B3GNT9: variants seen among roughly 807,000 people sequenced by gnomAD.
B3GNT9 encodes the protein UDP-GlcNAc:betaGal beta-1,3-N-acetylglucosaminyltransferase 9.
For synonymous variants in B3GNT9, 359 were observed against 283.9 expected (o/e 1.26, Z -2.66); for missense variants, 669 against 599.2 (o/e 1.12, Z -1.22).
Position 67,149,535 on chromosome 16 carries a change from G to T in B3GNT9, c.951C>A (p.Val317=). The change falls in exon 2 of 2, where the codon GTC becomes GTA. Residue 317 remains valine (V), a synonymous_variant. Coordinates refer to ENST00000449549, the MANE Select transcript of B3GNT9 (RefSeq NM_033309.3). ...AQVELFPIDD[V]FLGMCLQRLR... ...GGCGCTGCAGACACATGCCCAGAAA[G>T]ACGTCGTCGATGGGGAAGAGCTCGA... 3.1e-6 allele frequency: 5 copies of T among 1,609,236 alleles called. No homozygotes were observed. The highest frequency in any genetic ancestry group is 4.2e-6 in the Non-Finnish European group (5 of 1,178,012).
chr16:67,148,485 A>C lies in B3GNT9; in HGVS notation c.*792T>G, dbSNP rs982788388. ...GCCCACATCCCCTCTCCAATAAAGC[A>C]CCTGTGCCCTCAGCAATGGCCTGCC... is the stretch of plus-strand genomic sequence containing the variant. On this transcript the variant is annotated 3_prime_UTR_variant, in exon 2 of 2. Transcript: ENST00000449549. The C allele has an allele frequency of 2.0e-5, 3 of 152,336 alleles. No homozygotes were observed. The highest frequency in any genetic ancestry group is 7.2e-5 in the African/African-American group (3 of 41,412). 9.4% of individuals were successfully genotyped at this position (152,336 alleles called of 1,614,324 possible).
chr16:67,150,617 G>T lies in B3GNT9; in HGVS notation c.-132C>A, dbSNP rs534741183. 1.1e-3 allele frequency: 804 copies of T among 717,236 alleles called. 6 individuals are homozygous for T. In the African/African-American group the frequency reaches 0.014, roughly 12 times the overall value. The allele number at this position is 717,236 out of a possible 1,614,324, so 44.4% of individuals were successfully genotyped here. On this transcript the variant is annotated 5_prime_UTR_variant, in exon 2 of 2. Transcript: ENST00000449549. ...GGGGGCTCCAGCGACCGACGGTTGA[G>T]CCCCTTGCGTTGTTCTCCTCCTCCC...
Position 67,150,409 on chromosome 16 carries a change from T to G in B3GNT9, c.77A>C (p.Tyr26Ser). 7.3e-7 allele frequency: 1 copy of G among 1,361,988 alleles called. No individual in the cohort carries two copies. The allele number at this position is 1,361,988 out of a possible 1,614,324, so 84.4% of individuals were successfully genotyped here. A position where few individuals can be genotyped will look rare whatever the true frequency, so the allele number is the denominator to read the frequency against. The change falls in exon 2 of 2, where the codon TAT (tyrosine) becomes TCT (serine). Residue 26 changes from tyrosine (Y) to serine (S), a missense_variant. Transcript: ENST00000449549. ...LLGASLGLLL[Y>S]AQRDGAAPTA... ...CGGGGCCGCGCCGTCGCGCTGCGCA[T>G]AGAGTAAGAGGCCCAGGGAGGCGCC... is the stretch of plus-strand genomic sequence containing the variant.
intron 1 of B3GNT9, 73 bp downstream of exon 1, chr16:67,150,792 C>G (rs1036458082): frequency 3.4e-6 from 1 of 294,514 alleles, no homozygotes; most frequent in Admixed American, 5.2e-5. Flanking sequence ...CCGCCCGCCT[C>G]CCTCGCGCTG....
In B3GNT9 at chr16:67,149,364, A is replaced by G; in HGVS notation, c.1122T>C (p.Leu374=). The change falls in exon 2 of 2, where the codon CTT becomes CTC. Residue 374 remains leucine (L), a synonymous_variant. Coordinates refer to ENST00000449549, the MANE Select transcript of B3GNT9 (RefSeq NM_033309.3). The part of the protein sequence containing the change: ...VHGLSAADIW[L]MWRLLHGPHG... ...GCGGCCCGTGCAGCAGGCGCCACAT[A>G]AGCCAGATGTCAGCGGCCGAGAGCC... 1 of 1,603,542 alleles carries G rather than the reference A, an allele frequency of 6.2e-7. No individual in the cohort carries two copies. Among genetic ancestry groups the G allele is most frequent in the East Asian group, 2.3e-5 (1 of 44,356 alleles).
At position 67,150,046 on chromosome 16, in the gene B3GNT9, C is replaced by A; in HGVS notation, c.440G>T (p.Gly147Val). The A allele has an allele frequency of 1.3e-6, 2 of 1,501,416 alleles. No individual in the cohort carries two copies. The highest frequency in any genetic ancestry group is 1.8e-6 in the Non-Finnish European group (2 of 1,127,426). The allele number at this position is 1,501,416 out of a possible 1,614,324, so 93.0% of individuals were successfully genotyped here. Residue 147 changes from glycine (G) to valine (V), a missense_variant, in exon 2 of 2, where the codon GGG becomes GTG. Gly to Val is a moderately radical substitution (Grantham distance 109). Transcript: ENST00000449549. ...QTWGAEGRVQGALVRRVFLLG... is the reference protein window; with the variant it reads ...QTWGAEGRVQVALVRRVFLLG... Reference sequence around the variant, plus strand: ...CAAGAACACGCGGCGCACCAGCGCCCCCTGCACGCGACCCTCCGCGCCCCA... The same window carrying A: ...CAAGAACACGCGGCGCACCAGCGCCACCTGCACGCGACCCTCCGCGCCCCA...
Position 67,150,581 on chromosome 16 carries a change from C to T in B3GNT9, c.-96G>A, listed in dbSNP as rs959972058. The T allele has an allele frequency of 9.1e-7, 1 of 1,094,162 alleles. No homozygotes were observed. Among genetic ancestry groups the T allele is most frequent in the Admixed American group, 4.3e-5 (1 of 23,438 alleles). The allele number at this position is 1,094,162 out of a possible 1,614,324, so 67.8% of individuals were successfully genotyped here. On this transcript the variant is annotated 5_prime_UTR_variant, in exon 2 of 2. Coordinates refer to ENST00000449549, the MANE Select transcript of B3GNT9 (RefSeq NM_033309.3). ...CTCCCCAGCTGAGGGGGCGGGAGGC[C>T]ACGCCCCGGGGGGGGCTCCAGCGAC...
Position 67,149,524 on chromosome 16 carries a change from A to G in B3GNT9, c.962T>C (p.Met321Thr). 4 of 1,609,730 alleles carry G rather than the reference A, an allele frequency of 2.5e-6. No homozygotes were observed. Among genetic ancestry groups the G allele is most frequent in the Non-Finnish European group, 3.4e-6 (4 of 1,178,208 alleles). The change falls in exon 2 of 2, where the codon ATG (methionine) becomes ACG (threonine). Residue 321 changes from methionine to threonine, a missense_variant. By Grantham distance (81) the Met-to-Thr change is moderately conservative. Transcript: ENST00000449549. ...LFPIDDVFLG[M>T]CLQRLRLTPE... ...CGTGAGCCGCAGGCGCTGCAGACAC[A>G]TGCCCAGAAAGACGTCGTCGATGGG...
rs1473258802 is a variant in B3GNT9 at position 67,150,636 on chromosome 16, T to C, written c.-151A>G. The C allele has an allele frequency of 1.1e-5, 6 of 568,248 alleles. No homozygotes were observed. In the Admixed American group the frequency reaches 1.3e-4, roughly 12 times the overall value. 35.2% of individuals were successfully genotyped at this position (568,248 alleles called of 1,614,324 possible). A position where few individuals can be genotyped will look rare whatever the true frequency, so the allele number is the denominator to read the frequency against. The stretch of plus-strand genomic sequence containing the variant: ...GGTTGAGCCCCTTGCGTTGTTCTCC[T>C]CCTCCCGGCCGTGTCGCACCGCCGG... On this transcript the variant is annotated 5_prime_UTR_variant, in exon 2 of 2. Coordinates refer to ENST00000449549, the MANE Select transcript of B3GNT9 (RefSeq NM_033309.3).
Position 67,149,158 on chromosome 16 carries a change from C to T in B3GNT9, c.*119G>A. On this transcript the variant is annotated 3_prime_UTR_variant, in exon 2 of 2. Transcript: ENST00000449549. ...CAGGAGCCAAGCTTAACCCCCATCC[C>T]CTGGGATCCTGTGGAGACAGGCACC... is the stretch of plus-strand genomic sequence containing the variant. 7.0e-7 allele frequency: 1 copy of T among 1,431,710 alleles called. No individual in the cohort carries two copies. The allele number at this position is 1,431,710 out of a possible 1,614,324, so 88.7% of individuals were successfully genotyped here.
rs769419679 is a variant in B3GNT9 at position 67,150,462 on chromosome 16, G to C, written c.24C>G (p.Arg8=). 3 of 1,331,650 alleles carry C rather than the reference G, an allele frequency of 2.3e-6. No individual in the cohort carries two copies. Among genetic ancestry groups the C allele is most frequent in the East Asian group, 6.1e-5 (2 of 32,646 alleles). The allele number at this position is 1,331,650 out of a possible 1,614,324, so 82.5% of individuals were successfully genotyped here. A position where few individuals can be genotyped will look rare whatever the true frequency, so the allele number is the denominator to read the frequency against. MRRRLRL[R]RDALLTLLLG... is the part of the protein sequence containing the mutation. ...GGAGCAGCGTGAGCAATGCGTCCCT[G>C]CGTAGGCGCAGCCTCCTCCTCATCT... is the stretch of plus-strand genomic sequence containing the variant. Residue 8 remains arginine (R), a synonymous_variant, in exon 2 of 2, where the codon CGC becomes CGG. Transcript: ENST00000449549.
At position 67,150,642 on chromosome 16, in the gene B3GNT9, C is replaced by T; in HGVS notation, c.-157G>A. ...GCCCCTTGCGTTGTTCTCCTCCTCC[C>T]GGCCGTGTCGCACCGCCGGGACCGG... On this transcript the variant is annotated 5_prime_UTR_variant, in exon 2 of 2. Transcript: ENST00000449549. 2 of 534,742 alleles carry T rather than the reference C, an allele frequency of 3.7e-6. No homozygotes were observed. The highest frequency in any genetic ancestry group is 5.7e-6 in the Non-Finnish European group (2 of 351,482). 33.1% of individuals were successfully genotyped at this position (534,742 alleles called of 1,614,324 possible).
rs2030406052 is a variant in B3GNT9 at position 67,150,073 on chromosome 16, G to A, written c.413C>T (p.Thr138Met). The A allele has an allele frequency of 2.7e-6, 4 of 1,470,268 alleles. No homozygotes were observed. The highest frequency in any genetic ancestry group is 3.6e-6 in the Non-Finnish European group (4 of 1,113,894). 91.1% of individuals were successfully genotyped at this position (1,470,268 alleles called of 1,614,324 possible). Residue 138 changes from threonine to methionine, a missense_variant, in exon 2 of 2, where the codon ACG becomes ATG. Thr to Met is a moderately conservative substitution (Grantham distance 81). Transcript: ENST00000449549. ...DFERRQAVRQ[T>M]WGAEGRVQGA... ...CTGCACGCGACCCTCCGCGCCCCAC[G>A]TCTGGCGCACGGCTTGGCGCCGCTC...
At position 67,150,408 on chromosome 16, in the gene B3GNT9, A is replaced by G; in HGVS notation, c.78T>C (p.Tyr26=). The change falls in exon 2 of 2, where the codon TAT becomes TAC. Residue 26 remains tyrosine, a synonymous_variant. Coordinates refer to ENST00000449549, the MANE Select transcript of B3GNT9 (RefSeq NM_033309.3). ...TCGGGGCCGCGCCGTCGCGCTGCGC[A>G]TAGAGTAAGAGGCCCAGGGAGGCGC... ...LLGASLGLLL[Y]AQRDGAAPTA... is the part of the protein sequence containing the mutation. 1 of 1,362,292 alleles carries G rather than the reference A, an allele frequency of 7.3e-7. No homozygotes were observed. The highest frequency in any genetic ancestry group is 1.5e-5 in the African/African-American group (1 of 65,186). 84.4% of individuals were successfully genotyped at this position (1,362,292 alleles called of 1,614,324 possible). A position where few individuals can be genotyped will look rare whatever the true frequency, so the allele number is the denominator to read the frequency against.
At position 67,150,676 on chromosome 16, in the gene B3GNT9, AG is replaced by A; in HGVS notation, c.-186-6del. ...CGCACCGCCGGGACCGGCAGCCTGA[AG>A]GGACAAGAAGTTCACCCATGTAGCC... is the stretch of plus-strand genomic sequence containing the variant. On this transcript the variant is annotated splice_polypyrimidine_tract_variant and splice_region_variant and intron_variant, in intron 1 of 1. Transcript: ENST00000449549. 1 of 427,264 alleles carries A rather than the reference AG, an allele frequency of 2.3e-6. No homozygotes were observed. The highest frequency in any genetic ancestry group is 3.9e-6 in the Non-Finnish European group (1 of 254,080). 26.5% of individuals were successfully genotyped at this position (427,264 alleles called of 1,614,324 possible).
Position 67,149,719 on chromosome 16 carries a change from T to A in B3GNT9, c.767A>T (p.Asp256Val). Reference protein sequence around the residue: ...RDPAQDLLAGDVIVHARPIRT... With the variant: ...RDPAQDLLAGVVIVHARPIRT... Reference sequence around the variant, plus strand: ...GATGGGCCGCGCATGCACAATTACGTCACCAGCAAGCAGGTCTTGCGCCGG... The same window carrying A: ...GATGGGCCGCGCATGCACAATTACGACACCAGCAAGCAGGTCTTGCGCCGG... Residue 256 changes from aspartate (D) to valine (V), a missense_variant, in exon 2 of 2, where the codon GAC becomes GTC. Asp to Val is a radical substitution (Grantham distance 152). Transcript: ENST00000449549. The A allele has an allele frequency of 6.2e-7, 1 of 1,613,436 alleles. No individual in the cohort carries two copies. Among genetic ancestry groups the A allele is most frequent in the Non-Finnish European group, 8.5e-7 (1 of 1,179,762 alleles).
In B3GNT9 at chr16:67,150,622, T is replaced by G. The variant is rs1009138502; in HGVS notation, c.-137A>C. On this transcript the variant is annotated 5_prime_UTR_variant, in exon 2 of 2. Coordinates refer to ENST00000449549, the MANE Select transcript of B3GNT9 (RefSeq NM_033309.3). Reference sequence around the variant, plus strand: ...CTCCAGCGACCGACGGTTGAGCCCCTTGCGTTGTTCTCCTCCTCCCGGCCG... The same window carrying G: ...CTCCAGCGACCGACGGTTGAGCCCCGTGCGTTGTTCTCCTCCTCCCGGCCG... 3.0e-6 allele frequency: 2 copies of G among 670,360 alleles called. No individual in the cohort carries two copies. Among genetic ancestry groups the G allele is most frequent in the African/African-American group, 3.8e-5 (2 of 53,238 alleles). 41.5% of individuals were successfully genotyped at this position (670,360 alleles called of 1,614,324 possible).
Position 67,149,357 on chromosome 16 carries a change from G to A in B3GNT9, c.1129C>T (p.Arg377Cys), listed in dbSNP as rs1387890169. 3 of 1,602,086 alleles carry A rather than the reference G, an allele frequency of 1.9e-6. No homozygotes were observed. Among genetic ancestry groups the A allele is most frequent in the East Asian group, 2.3e-5 (1 of 44,300 alleles). The change falls in exon 2 of 2, where the codon CGC becomes TGC. Residue 377 changes from arginine (R) to cysteine (C), a missense_variant. Arg to Cys is a radical substitution (Grantham distance 180). Coordinates refer to ENST00000449549, the MANE Select transcript of B3GNT9 (RefSeq NM_033309.3). ...GGCCCATGCGGCCCGTGCAGCAGGC[G>A]CCACATAAGCCAGATGTCAGCGGCC... ...LSAADIWLMW[R>C]LLHGPHGPAC...
Position 67,150,607 on chromosome 16 carries a change from C to G in B3GNT9, c.-122G>C, listed in dbSNP as rs1043112388. The G allele has an allele frequency of 6.2e-6, 5 of 806,424 alleles. No homozygotes were observed. The highest frequency in any genetic ancestry group is 8.4e-6 in the Non-Finnish European group (5 of 597,168). 50.0% of individuals were successfully genotyped at this position (806,424 alleles called of 1,614,324 possible). A position where few individuals can be genotyped will look rare whatever the true frequency, so the allele number is the denominator to read the frequency against. ...ACGCCCCGGGGGGGGCTCCAGCGAC[C>G]GACGGTTGAGCCCCTTGCGTTGTTC... is the stretch of plus-strand genomic sequence containing the variant. On this transcript the variant is annotated 5_prime_UTR_variant, in exon 2 of 2. Coordinates refer to ENST00000449549, the MANE Select transcript of B3GNT9 (RefSeq NM_033309.3).
Sources: allele counts gnomAD v4.1 joint callset, GRCh38; gene constraint gnomAD v4.1.1; transcripts MANE v1.5; gene names NCBI Gene and HGNC (gene_info 2026-07-23, HGNC 2026-07-21).